The following EFTUD2 variants were observed in gnomAD, a reference collection of about 807,000 sequenced individuals.
The protein encoded by EFTUD2 is 116 kDa U5 small nuclear ribonucleoprotein component.
In EFTUD2, 9 loss-of-function variants were observed where a neutral mutation model predicts 114.3. The observed-to-expected ratio is 0.08, with a 90% confidence interval of 0.05 to 0.14. EFTUD2 has a LOEUF of 0.14. Among genes scored for constraint, EFTUD2 ranks in the 10% least tolerant of loss-of-function variants. The probability of loss-of-function intolerance (pLI) is 1.00; values close to 1 mark genes in which losing one functional copy is unlikely to be tolerated. For synonymous variants in EFTUD2, 449 were observed against 462.3 expected, an observed-to-expected ratio of 0.97 and a Z score of 0.37; for missense variants, 765 against 1,241.2, an observed-to-expected ratio of 0.62 and a Z score of 5.76.
intron 17 of EFTUD2, 181 bp from the exon 18 acceptor site, chr17:44,860,226 AG>A (rs1349025371): frequency 1.2e-6 from 1 of 864,778 alleles, no homozygotes; most frequent in African/African-American, 1.7e-5. Flanking sequence ...GGCAGAACAA[AG>A]AGAGGAGGAA....
intron 2 of EFTUD2, 63 bp downstream of exon 2, chr17:44,894,354 G>C (rs2051338295): frequency 7.3e-7 from 1 of 1,377,804 alleles, no homozygotes; most frequent in Non-Finnish European, 1.0e-6. Flanking sequence ...TGGCAAGAGA[G>C]TGAGATCTTG....
intron 20 of EFTUD2, among the ~76,000 whole-genome samples, chr17:44,855,452 T>A (rs541255806): frequency 6.6e-6 from 1 of 151,570 alleles, no homozygotes; most frequent in African/African-American, 2.4e-5. Flanking sequence ...ATGCCTGTAA[T>A]CACAACTACT....
chr17:44,887,463 T>C (rs972817560), intron 2 of EFTUD2, among the ~76,000 whole-genome samples: 2 of 152,220 alleles, frequency 1.3e-5, no homozygotes, highest in Non-Finnish European at 2.9e-5. Context: ...GGTACATCCA[T>C]ACAAAAGATT....
intron 10 of EFTUD2, 170 bp downstream of exon 10, chr17:44,875,764 G>T: frequency 1.5e-6 from 1 of 687,194 alleles, no homozygotes; most frequent in Non-Finnish European, 2.5e-6. Flanking sequence ...AAATGAAGAT[G>T]TGTTAAAGTA....
chr17:44,865,045 G>A lies in EFTUD2; in HGVS notation c.1170C>T (p.Thr390=), dbSNP rs1274228184. ...GCTCGTCTAGGGTCCGTGGGAGGCT[G>A]GTGTCCACGTCACCTACAACCTGTG... ...ILAQVVGDVD[T]SLPRTLDELG... The change falls in exon 14 of 28, where the codon ACC becomes ACT. Residue 390 remains threonine (T), a synonymous_variant. Transcript: ENST00000426333. 1.2e-6 allele frequency: 2 copies of A among 1,614,000 alleles called. No individual in the cohort carries two copies. Among genetic ancestry groups the A allele is most frequent in the African/African-American group, 1.3e-5 (1 of 74,868 alleles).
At chr17:44,863,515 T>C in intron 15 of EFTUD2, 140 bp downstream of exon 15, 1 of 1,237,218 alleles carries the variant, frequency 8.1e-7, no homozygotes, top group East Asian at 2.4e-5. Context: ...CATCAGGCTT[T>C]GCATTCAGGC....
intron 10 of EFTUD2, 79 bp from the exon 11 acceptor site, chr17:44,872,649 G>A (rs1333065583): frequency 8.1e-6 from 12 of 1,475,952 alleles, no homozygotes; most frequent in African/African-American, 7.1e-5. Flanking sequence ...GCAGGAACTC[G>A]GTATCACAGC....
chr17:44,859,431 A>G (rs2050615741), intron 18 of EFTUD2: 2 of 564,546 alleles, frequency 3.5e-6, no homozygotes, highest in Non-Finnish European at 6.4e-6. Context: ...TTAATGATTT[A>G]GGTCAAACTC....
rs374558197 is a variant in EFTUD2 at position 44,883,046 on chromosome 17, C to G, written c.492+47G>C. On this transcript the variant is annotated intron_variant, in intron 6 of 27. Transcript: ENST00000426333. ...GGAAGGAGGAGAGAGACATCTCTAT[C>G]TGTTCTGAATGGTTCATCCTAAACC... is the stretch of plus-strand genomic sequence containing the variant. The G allele has an allele frequency of 5.4e-5, 86 of 1,584,258 alleles. No homozygotes were observed. In the African/African-American group the frequency reaches 1.1e-3, roughly 20 times the overall value.
chr17:44,874,397 T>C (rs886076697), intron 10 of EFTUD2, among the ~76,000 whole-genome samples: 22 of 152,166 alleles, frequency 1.4e-4, no homozygotes, highest in Non-Finnish European at 2.4e-4. Flanking sequence ...GATGTCACAC[T>C]GGGCTCTAGT....
chr17:44,852,678 A>G (rs1056166513), intron 25 of EFTUD2, 116 bp from the exon 26 acceptor site: 24 of 1,250,702 alleles, frequency 1.9e-5, no homozygotes, highest in Non-Finnish European at 2.7e-5. Flanking sequence ...CATCAAAGAA[A>G]GAGTAACCAA....
chr17:44,887,871 C>T (rs114790308), intron 2 of EFTUD2, among the ~76,000 whole-genome samples: 346 of 152,312 alleles, frequency 2.3e-3, no homozygotes, highest in African/African-American at 8.0e-3. Context: ...GCAACATTAA[C>T]GAAGCCATTC....
chr17:44,879,677 G>A (rs1041727711), intron 8 of EFTUD2, 39 bp from the exon 9 acceptor site: 13 of 1,596,052 alleles, frequency 8.1e-6, no homozygotes, highest in African/African-American at 2.7e-5. Context: ...ACTTGGTGCA[G>A]GATAAAGCAC....
At chr17:44,861,409 C>A (rs1433042434) in intron 16 of EFTUD2, among the ~76,000 whole-genome samples, 1 of 140,340 alleles carries the variant, frequency 7.1e-6, no homozygotes, top group East Asian at 2.1e-4. Context: ...CACGCCATTG[C>A]ACTCCAGCCT....
At chr17:44,859,851 C>T (rs1030256925) in intron 18 of EFTUD2, 54 bp downstream of exon 18, 7 of 1,611,346 alleles carry the variant, frequency 4.3e-6, no homozygotes, top group African/African-American at 4.0e-5. Flanking sequence ...TGCAGCTCTG[C>T]CCATTCAGCT....
In EFTUD2 at chr17:44,851,700, G is replaced by T. The variant is rs1330698627; in HGVS notation, c.2823+10C>A. 1 of 1,583,754 alleles carries T rather than the reference G, an allele frequency of 6.3e-7. No homozygotes were observed. The highest frequency in any genetic ancestry group is 1.9e-5 in the Admixed American group (1 of 52,292). ...GTTGAGGGATGGCAACAGGCCCAAG[G>T]GAGACATACCTTCCTACGGCGGGTT... is the stretch of plus-strand genomic sequence containing the variant. On this transcript the variant is annotated intron_variant, in intron 27 of 27. Transcript: ENST00000426333.
rs1300121117 is a variant in EFTUD2 at position 44,865,258 on chromosome 17, A to G, written c.1150-193T>C. On this transcript the variant is annotated intron_variant, in intron 13 of 27. Coordinates refer to ENST00000426333, the MANE Select transcript of EFTUD2 (RefSeq NM_004247.4). The stretch of plus-strand genomic sequence containing the variant: ...GCTACCTACCCTTCAAACCACAGGC[A>G]AAGCCAACTTGGTTACATCCCCATC... 6 of 673,456 alleles carry G rather than the reference A, an allele frequency of 8.9e-6. No individual in the cohort carries two copies. The East Asian group carries it at 1.8e-4, about 21-fold the overall frequency. The allele number at this position is 673,456 out of a possible 1,614,324, so 41.7% of individuals were successfully genotyped here. A position where few individuals can be genotyped will look rare whatever the true frequency, so the allele number is the denominator to read the frequency against.
chr17:44,880,576 G>A lies in EFTUD2; in HGVS notation c.597C>T (p.Leu199=). 6.2e-7 allele frequency: 1 copy of A among 1,613,660 alleles called. No individual in the cohort carries two copies. The highest frequency in any genetic ancestry group is 8.5e-7 in the Non-Finnish European group (1 of 1,179,666). ...TACCTGGAGTGTCCATGATATTGAA[G>A]AGATAAGATTTTCCTTTGGTGTCTG... is the stretch of plus-strand genomic sequence containing the variant. The part of the protein sequence containing the change: ...VLPDTKGKSY[L]FNIMDTPGHV... The change falls in exon 8 of 28, where the codon CTC becomes CTT. Residue 199 remains leucine, a synonymous_variant. Transcript: ENST00000426333.
Position 44,878,098 on chromosome 17 carries a change from T to C in EFTUD2, c.702+1458A>G, listed in dbSNP as rs2051001789. 2.0e-5 allele frequency among the ~76,000 whole-genome samples: 3 copies of C among 152,100 alleles called. No individual in the cohort carries two copies. The South Asian group carries it at 6.2e-4, about 32-fold the overall frequency. ...TTGCAGTAAACTGAGATCGCACCAC[T>C]TCACTCCAGCCTGGGCAACAGAGCA... On this transcript the variant is annotated intron_variant, in intron 9 of 27. Transcript: ENST00000426333.
Sources: allele counts gnomAD v4.1 joint callset (sites outside exome capture counted in the v4.1 genomes callset), GRCh38; gene constraint gnomAD v4.1.1; transcripts MANE v1.5; gene names NCBI Gene and HGNC (gene_info 2026-07-23, HGNC 2026-07-21).